The following FMN1 variants were observed in gnomAD, a reference collection of about 807,000 sequenced individuals.
FMN1 encodes the protein formin-1.
Under a neutral mutation model 132.4 loss-of-function variants are expected in FMN1, and 110 were observed. The ratio of observed to expected loss-of-function variants is 0.83; its 90% CI spans 0.71 to 0.97. The LOEUF is 0.97. FMN1 is among the 50% of genes least tolerant of loss of function. FMN1 has a pLI of 0.00. For missense variants in FMN1, 1,792 were observed against 1,705.3 expected (o/e 1.05, Z -0.90); for synonymous variants, 722 against 651.7 (o/e 1.11, Z -1.64).
intron 19 of FMN1, among the ~76,000 whole-genome samples, chr15:32,779,883 G>C (rs934650588): frequency 2.0e-5 from 3 of 152,144 alleles, no homozygotes; most frequent in Non-Finnish European, 4.4e-5. Flanking sequence ...GAATGAACTA[G>C]ATCTACAAAT....
chr15:33,126,310 T>C (rs1315212423), intron 4 of FMN1, among the ~76,000 whole-genome samples: 1 of 152,106 alleles, frequency 6.6e-6, no homozygotes, highest in Non-Finnish European at 1.5e-5. Flanking sequence ...CCCTCATGGA[T>C]GGGCAACAGT....
rs543514747 is a variant in FMN1, at chr15:32,839,923, T to C, written c.3928+17092A>G. Among the ~76,000 whole-genome samples, 3 of 80,904 alleles carry C rather than the reference T, an allele frequency of 3.7e-5. No homozygotes were observed. The East Asian group carries it at 9.8e-4, about 26-fold the overall frequency. 53.1% of individuals were successfully genotyped at this position (80,904 alleles called of 152,430 possible). On this transcript the variant is annotated intron_variant, in intron 17 of 20. Coordinates refer to ENST00000616417, the MANE Select transcript of FMN1 (RefSeq NM_001277313.2). ...GTACACTGAAGAACTGTATACTTGA[T>C]GGGAGGGAGATCTACACCGCTAAGT...
intron 4 of FMN1, among the ~76,000 whole-genome samples, chr15:33,136,074 CA>C (rs1232133727): frequency 2.0e-5 from 3 of 152,140 alleles, no homozygotes; most frequent in Non-Finnish European, 4.4e-5. Context: ...TATAAATAAT[CA>C]GAATGATGGA....
At chr15:33,024,223 ATTTTTTTTTTTTTTTTTTTTTTTTTTT>A (rs555760509) in intron 6 of FMN1, among the ~76,000 whole-genome samples, 1 of 87,940 alleles carries the variant, frequency 1.1e-5, no homozygotes. Flanking sequence ...CACCTATCAG[ATTTTTTTTTTTTTTTTTTTTTTTTTTT>A]TTTTTTTTTT....
In FMN1 at chr15:33,154,250, G is replaced by A. The variant is rs956532182; in HGVS notation, c.665C>T (p.Pro222Leu). The change falls in exon 4 of 21, where the codon CCG becomes CTG. Residue 222 changes from proline to leucine, a missense_variant. Physicochemically the swap from Pro to Leu is moderately conservative, Grantham distance 98. This residue lies in a region of FMN1 where 638 missense variants were observed against 645.2 expected (regional missense o/e 0.99). Transcript: ENST00000616417. ...WVLEEKGNLL[P>L]NGALACSLQR... is the part of the protein sequence containing the mutation. ...CAGGGAGCAGGCAAGTGCCCCATTC[G>A]GGAGCAGATTTCCTTTCTCCTCTAG... The A allele has an allele frequency of 5.2e-6, 8 of 1,536,064 alleles. No individual in the cohort carries two copies. Among genetic ancestry groups the A allele is most frequent in the Admixed American group, 3.9e-5 (2 of 50,980 alleles).
chr15:32,823,125 C>A (rs557983045), intron 17 of FMN1, among the ~76,000 whole-genome samples: 39 of 142,232 alleles, frequency 2.7e-4, no homozygotes, highest in African/African-American at 9.7e-4. Flanking sequence ...CATTCATGGT[C>A]TGTCTCAAAG....
chr15:33,104,926 TTGG>T (rs1275148670), intron 4 of FMN1, among the ~76,000 whole-genome samples: 1 of 152,074 alleles, frequency 6.6e-6, no homozygotes, highest in Non-Finnish European at 1.5e-5. Flanking sequence ...CTGAATCTAA[TTGG>T]TGGTGATTTC....
chr15:32,989,960 G>A (rs1432041245), intron 7 of FMN1, among the ~76,000 whole-genome samples: 1 of 152,264 alleles, frequency 6.6e-6, no homozygotes, highest in South Asian at 2.1e-4. Flanking sequence ...TGTTTACATT[G>A]GGAGGGGAAG....
chr15:33,012,449 T>A (rs949076800), intron 6 of FMN1: 1 of 1,036,558 alleles, frequency 9.6e-7, no homozygotes, highest in African/African-American at 1.6e-5. Context: ...GTTGCTGGCA[T>A]TAAAGAAGAC....
chr15:32,905,953 CAGCAT>C (rs1187018911), intron 12 of FMN1, among the ~76,000 whole-genome samples: 6 of 152,188 alleles, frequency 3.9e-5, no homozygotes, highest in African/African-American at 1.2e-4. Flanking sequence ...CTCACCAGCA[CAGCAT>C]GACAGTCCTT....
rs542348827 is a variant in FMN1 at position 33,066,536 on chromosome 15, G to A, written c.2044-1462C>T. ...ACTTTTGGAATCAGAGGGGCCATCC[G>A]CTGGCTTAGAATTGGACCGTTCAAA... On this transcript the variant is annotated intron_variant, in intron 5 of 20. Transcript: ENST00000616417. 125 of 1,565,750 alleles carry A rather than the reference G, an allele frequency of 8.0e-5. No individual in the cohort carries two copies. The highest frequency in any genetic ancestry group is 1.5e-4 in the African/African-American group (11 of 72,756).
At chr15:33,114,139 C>T (rs1220823160) in intron 4 of FMN1, among the ~76,000 whole-genome samples, 1 of 152,218 alleles carries the variant, frequency 6.6e-6, no homozygotes, top group African/African-American at 2.4e-5. Context: ...CGTCAAGGTC[C>T]TATAGGACAC....
intron 3 of FMN1, among the ~76,000 whole-genome samples, chr15:33,164,754 A>G (rs1167435386): frequency 1.3e-5 from 2 of 152,230 alleles, no homozygotes; most frequent in African/African-American, 2.4e-5. Flanking sequence ...ATGTATGAGT[A>G]TGCTTAGGAA....
At chr15:33,062,006 G>A (rs2037507054) in intron 6 of FMN1, among the ~76,000 whole-genome samples, 1 of 152,032 alleles carries the variant, frequency 6.6e-6, no homozygotes, top group Non-Finnish European at 1.5e-5. Flanking sequence ...ATAATGAAAG[G>A]ACAGATTTGA....
chr15:33,028,247 G>A (rs1469237536), intron 6 of FMN1, among the ~76,000 whole-genome samples: 2 of 152,156 alleles, frequency 1.3e-5, no homozygotes, highest in East Asian at 3.9e-4. Context: ...AACTGCATTT[G>A]TAAGTTATCC....
At chr15:33,003,278 CG>C (rs1173335813) in intron 7 of FMN1, among the ~76,000 whole-genome samples, 26 of 152,158 alleles carry the variant, frequency 1.7e-4, no homozygotes, top group African/African-American at 6.0e-4. Context: ...TTGCAGATGA[CG>C]TGATTGTGTA....
intron 7 of FMN1, 100 bp from the exon 8 acceptor site, chr15:32,969,577 G>T: frequency 7.7e-7 from 1 of 1,296,952 alleles, no homozygotes; most frequent in Non-Finnish European, 1.1e-6. Flanking sequence ...ACTGTAGCAT[G>T]GCCCACATAA....
intron 6 of FMN1, among the ~76,000 whole-genome samples, chr15:33,052,065 A>C (rs345751): frequency 0.88 from 133,800 of 152,216 alleles, 59,494 homozygotes; most frequent in Non-Finnish European, 0.93. Context: ...ATTGAGGCCG[A>C]TGCTAACACT....
rs752467199 is a variant in FMN1 at position 32,964,201 on chromosome 15, G to C, written c.3044C>G (p.Pro1015Arg). 6.2e-7 allele frequency: 1 copy of C among 1,612,148 alleles called. No homozygotes were observed. The highest frequency in any genetic ancestry group is 1.1e-5 in the South Asian group (1 of 90,840). ...DSLEEPDIRD[P>R]SEFEYLFSKD... The stretch of plus-strand genomic sequence containing the variant: ...GGAGAATAAATACTCAAATTCACTG[G>C]GGTCCCGAATGTCAGGTTCTTCTAA... Residue 1015 changes from proline to arginine, a missense_variant, in exon 9 of 21, where the codon CCC becomes CGC. By Grantham distance (103) the Pro-to-Arg change is moderately radical. Around this residue, in one of 3 missense-constraint regions of FMN1, gnomAD observed 1,150 missense variants for 1,043.1 expected, o/e 1.10. Coordinates refer to ENST00000616417, the MANE Select transcript of FMN1 (RefSeq NM_001277313.2).
Sources: allele counts gnomAD v4.1 joint callset (sites outside exome capture counted in the v4.1 genomes callset), GRCh38; gene constraint gnomAD v4.1.1; regional missense constraint gnomAD v4.1.1; transcripts MANE v1.5; gene names NCBI Gene and HGNC (gene_info 2026-07-23, HGNC 2026-07-21).